ACOT7: variants seen among roughly 807,000 people sequenced by gnomAD.
ACOT7 encodes the protein cytosolic acyl coenzyme A thioester hydrolase.
ACOT7 carries 12 observed loss-of-function variants against 40.2 expected under a neutral mutation model. The ratio of observed to expected loss-of-function variants is 0.30; its 90% CI spans 0.19 to 0.48. The LOEUF (loss-of-function observed/expected upper bound fraction) is 0.48, where lower values mean the gene tolerates loss of function less well. Among genes scored for constraint, ACOT7 ranks in the 20% least tolerant of loss-of-function variants. The pLI is 0.99. For missense variants in ACOT7, 395 were observed against 530.8 expected (o/e 0.74, Z 2.51); for synonymous variants, 228 against 219.5 (o/e 1.04, Z -0.34).
chr1:6,387,081 C>A (rs1235887921), intron 1 of ACOT7, among the ~76,000 whole-genome samples: 1 of 152,062 alleles, frequency 6.6e-6, no homozygotes, highest in African/African-American at 2.4e-5. Flanking sequence ...GACACAGGAG[C>A]GAGGCCCAGC....
rs1415268171 is a variant in ACOT7 at position 6,289,252 on chromosome 1, C to A, written c.829+5612G>T. On this transcript the variant is annotated intron_variant, in intron 7 of 8. Transcript: ENST00000361521. This position sits in a 1 kb window ranked among gnomAD's most constrained non-coding sequence, Gnocchi z 4.6. ...GTAGCTGGGATTACAGGCGCCTGCC[C>A]CCACGCCCGGCTAATTTTTGTATTT... 6.6e-6 allele frequency among the ~76,000 whole-genome samples: 1 copy of A among 151,980 alleles called. No individual in the cohort carries two copies. The highest frequency in any genetic ancestry group is 2.4e-5 in the African/African-American group (1 of 41,374).
chr1:6,324,658 CA>C (rs1640750128), intron 5 of ACOT7, among the ~76,000 whole-genome samples: 1 of 152,154 alleles, frequency 6.6e-6, no homozygotes, highest in African/African-American at 2.4e-5. Flanking sequence ...AGAAACCGCT[CA>C]CAAAAAGGTA....
intron 1 of ACOT7, among the ~76,000 whole-genome samples, chr1:6,382,390 C>G (rs1364868593): frequency 6.6e-6 from 1 of 151,840 alleles, no homozygotes; most frequent in Non-Finnish European, 1.5e-5. Context: ...GGCGACAGAG[C>G]GAGACTCTGT....
At position 6,388,411 on chromosome 1, in the gene ACOT7, G is replaced by C. The variant is rs148026174; in HGVS notation, c.143+4846C>G. ...GGCGTGAGCCACAGCGCCTGGCCAG[G>C]TTCTTTCTTTTCATTAATTCCATTA... On this transcript the variant is annotated intron_variant, in intron 1 of 8. Transcript: ENST00000361521. 4.7e-3 allele frequency among the ~76,000 whole-genome samples: 718 copies of C among 151,168 alleles called. 6 individuals are homozygous for C. Among genetic ancestry groups the C allele is most frequent in the Non-Finnish European group, 8.1e-3 (548 of 67,802 alleles).
chr1:6,346,123 C>T (rs777227014), intron 2 of ACOT7, among the ~76,000 whole-genome samples: 6 of 152,198 alleles, frequency 3.9e-5, no homozygotes, highest in Non-Finnish European at 8.8e-5. Flanking sequence ...TTTGTAGAAA[C>T]AGGGTCTCAC....
chr1:6,363,493 A>G (rs1024634092), intron 1 of ACOT7, among the ~76,000 whole-genome samples: 1 of 152,146 alleles, frequency 6.6e-6, no homozygotes, highest in Non-Finnish European at 1.5e-5. Context: ...TCACGCTCCT[A>G]GTCCACTTTC....
intron 7 of ACOT7, among the ~76,000 whole-genome samples, chr1:6,287,943 G>A (rs1194986268): frequency 1.3e-5 from 2 of 151,928 alleles, no homozygotes; most frequent in Non-Finnish European, 2.9e-5. Context: ...CCTAATAGTG[G>A]AGATCGTTTC....
chr1:6,328,592 G>A (rs1640869065), intron 4 of ACOT7, among the ~76,000 whole-genome samples: 1 of 152,166 alleles, frequency 6.6e-6, no homozygotes, highest in Admixed American at 6.5e-5. Context: ...TGAGGCAAGG[G>A]AATCGCTTGA....
intron 2 of ACOT7, among the ~76,000 whole-genome samples, chr1:6,343,092 G>C (rs1359269269): frequency 6.6e-6 from 1 of 152,160 alleles, no homozygotes; most frequent in Non-Finnish European, 1.5e-5. Flanking sequence ...GTGAGGGAGG[G>C]GCCTGGGCCA....
At chr1:6,285,096 C>T (rs532895736) in intron 7 of ACOT7, among the ~76,000 whole-genome samples, 9 of 152,316 alleles carry the variant, frequency 5.9e-5, no homozygotes, top group Non-Finnish European at 1.0e-4. Context: ...GGAAGTCCCA[C>T]GAGGGCAGGG....
intron 2 of ACOT7, among the ~76,000 whole-genome samples, chr1:6,342,060 T>C (rs1316098805): frequency 6.6e-6 from 1 of 152,178 alleles, no homozygotes; most frequent in Non-Finnish European, 1.5e-5. Flanking sequence ...CAAAATGCCA[T>C]AGCCTGGGCA....
chr1:6,384,880 A>G (rs940731989), intron 1 of ACOT7, among the ~76,000 whole-genome samples: 6 of 151,880 alleles, frequency 4.0e-5, no homozygotes, highest in African/African-American at 1.4e-4. Flanking sequence ...TGAACATAAA[A>G]CTGAAATCTA....
At chr1:6,302,313 G>C (rs907295312) in intron 6 of ACOT7, among the ~76,000 whole-genome samples, 1 of 152,102 alleles carries the variant, frequency 6.6e-6, no homozygotes, top group African/African-American at 2.4e-5. Flanking sequence ...AGAAGTCATA[G>C]TAGGATCCTG....
At chr1:6,389,557 A>G (rs1006469667) in intron 1 of ACOT7, among the ~76,000 whole-genome samples, 1 of 152,136 alleles carries the variant, frequency 6.6e-6, no homozygotes, top group Non-Finnish European at 1.5e-5. Context: ...AATTGATGCA[A>G]TTAAAAATTC....
intron 7 of ACOT7, among the ~76,000 whole-genome samples, chr1:6,292,130 T>C (rs952569315): frequency 2.0e-5 from 3 of 152,228 alleles, no homozygotes; most frequent in African/African-American, 7.2e-5. Flanking sequence ...GATACTGGCA[T>C]AGAAACAGGC....
rs1044154 is a variant in ACOT7, at chr1:6,264,300, T to C, written c.*297A>G. On this transcript the variant is annotated 3_prime_UTR_variant, in exon 9 of 9. Transcript: ENST00000361521. ...AGCCAAGCAGCAGCTTTATTAGTGG[T>C]GCTGGGTTCTTCCCATACCCTACAG... 5.5e-6 allele frequency: 2 copies of C among 365,338 alleles called. No individual in the cohort carries two copies. 22.6% of individuals were successfully genotyped at this position (365,338 alleles called of 1,614,324 possible).
At position 6,318,585 on chromosome 1, in the gene ACOT7, T is replaced by C. The variant is rs768655547; in HGVS notation, c.626-7A>G. The C allele has an allele frequency of 5.0e-6, 8 of 1,613,702 alleles. No individual in the cohort carries two copies. The South Asian group carries it at 6.6e-5, about 13-fold the overall frequency. ...TAGCTGACAGTGTTCGGCTCTGGAA[T>C]TGCAAAAGAGAGAGATTAGTTATGG... On this transcript the variant is annotated splice_region_variant and splice_polypyrimidine_tract_variant and intron_variant, in intron 5 of 8. Transcript: ENST00000361521.
chr1:6,369,519 G>A (rs1194187685), intron 1 of ACOT7, among the ~76,000 whole-genome samples: 2 of 146,406 alleles, frequency 1.4e-5, no homozygotes, highest in Non-Finnish European at 3.0e-5. Flanking sequence ...CAATTCTCCT[G>A]CCTCAGCCTC....
intron 1 of ACOT7, among the ~76,000 whole-genome samples, chr1:6,368,130 G>C (rs1348000428): frequency 1.3e-5 from 2 of 152,120 alleles, no homozygotes; most frequent in Non-Finnish European, 2.9e-5. Flanking sequence ...CTGGTCCTCG[G>C]GACTGGCCAG....
Sources: allele counts gnomAD v4.1 joint callset (sites outside exome capture counted in the v4.1 genomes callset), GRCh38; gene constraint gnomAD v4.1.1; non-coding constraint Gnocchi (gnomAD v3.1); transcripts MANE v1.5; gene names NCBI Gene and HGNC (gene_info 2026-07-23, HGNC 2026-07-21).